CCDC178: variants seen among roughly 807,000 people sequenced by gnomAD.
CCDC178 encodes the protein coiled-coil domain-containing protein 178.
Under a neutral mutation model 117.4 loss-of-function variants are expected in CCDC178, and 126 were observed. That is an observed-to-expected ratio of 1.07 (90% CI 0.93 to 1.24). The LOEUF (loss-of-function observed/expected upper bound fraction) is 1.24. CCDC178 is among the 50% of genes most tolerant of loss of function. The pLI, the probability that CCDC178 is intolerant of heterozygous loss-of-function variation, is 0.00. For synonymous variants in CCDC178, 283 were observed against 313.4 expected (o/e 0.90, Z 1.02); for missense variants, 1,030 against 986.9 (o/e 1.04, Z -0.59).
In CCDC178 at chr18:33,078,596, A is replaced by G. The variant is rs1242742520; in HGVS notation, c.2388+14165T>C. ...ACTTCAACAACATTTCAGGATTAAA[A>G]ATAAATGTACAAAAATCAGTGGAAT... On this transcript the variant is annotated intron_variant, in intron 21 of 22. Coordinates refer to ENST00000383096, the MANE Select transcript of CCDC178 (RefSeq NM_001105528.4). Among the ~76,000 whole-genome samples the G allele has an allele frequency of 2.6e-5, 4 of 152,214 alleles. No homozygotes were observed. In the East Asian group the frequency reaches 7.7e-4, roughly 29 times the overall value.
At chr18:33,264,636 A>G (rs1398584470) in intron 14 of CCDC178, among the ~76,000 whole-genome samples, 1 of 152,044 alleles carries the variant, frequency 6.6e-6, no homozygotes, top group Admixed American at 6.6e-5. Flanking sequence ...CTGCATTCCC[A>G]CTGCTTGTGA....
chr18:32,944,306 G>A (rs554551937), intron 22 of CCDC178, among the ~76,000 whole-genome samples: 2 of 152,218 alleles, frequency 1.3e-5, no homozygotes, highest in Admixed American at 6.5e-5. Flanking sequence ...GGAAAAGCAC[G>A]GATCTATTTA....
intron 11 of CCDC178, among the ~76,000 whole-genome samples, chr18:33,298,638 A>G (rs1353418895): frequency 6.6e-6 from 1 of 152,208 alleles, no homozygotes; most frequent in South Asian, 2.1e-4. Context: ...CAGAACAATT[A>G]GCCAAGAGAA....
chr18:33,001,743 G>T (rs1215132185), intron 21 of CCDC178, among the ~76,000 whole-genome samples: 3 of 151,692 alleles, frequency 2.0e-5, no homozygotes, highest in Non-Finnish European at 4.4e-5. Context: ...TTGTATGAAT[G>T]GATTAAAAAA....
chr18:32,992,964 G>A (rs527326814), intron 21 of CCDC178, among the ~76,000 whole-genome samples: 3 of 152,144 alleles, frequency 2.0e-5, no homozygotes, highest in South Asian at 2.1e-4. Flanking sequence ...TCAGGAGTTC[G>A]AGACCAGCCT....
At chr18:33,101,880 T>C (rs190823037) in intron 20 of CCDC178, among the ~76,000 whole-genome samples, 9 of 152,100 alleles carry the variant, frequency 5.9e-5, no homozygotes, top group African/African-American at 1.4e-4. Context: ...GATAACCTGA[T>C]GCCACTTTAC....
At chr18:33,355,000 T>C (rs2063034541) in intron 7 of CCDC178, among the ~76,000 whole-genome samples, 1 of 152,210 alleles carries the variant, frequency 6.6e-6, no homozygotes, top group African/African-American at 2.4e-5. Flanking sequence ...CTTAGTTATT[T>C]GTTCATGGTT....
chr18:33,296,836 G>A (rs1373390092), intron 11 of CCDC178, among the ~76,000 whole-genome samples: 1 of 152,030 alleles, frequency 6.6e-6, no homozygotes, highest in Non-Finnish European at 1.5e-5. Flanking sequence ...AGACAAGCCT[G>A]GCTCATGGTG....
intron 18 of CCDC178, among the ~76,000 whole-genome samples, chr18:33,220,939 G>A (rs746182221): frequency 3.3e-5 from 5 of 151,980 alleles, no homozygotes; most frequent in Non-Finnish European, 7.4e-5. Context: ...ACTCTCTTAA[G>A]TATACTTGAA....
intron 21 of CCDC178, among the ~76,000 whole-genome samples, chr18:32,976,582 T>C (rs1279532969): frequency 6.6e-6 from 1 of 152,152 alleles, no homozygotes; most frequent in African/African-American, 2.4e-5. Flanking sequence ...AAGCTGACAT[T>C]TGTGTCAAGT....
Position 33,346,346 on chromosome 18 carries a change from T to C in CCDC178, c.523A>G (p.Lys175Glu). The C allele has an allele frequency of 6.2e-7, 1 of 1,613,760 alleles. No individual in the cohort carries two copies. Among genetic ancestry groups the C allele is most frequent in the Non-Finnish European group, 8.5e-7 (1 of 1,179,698 alleles). The change falls in exon 9 of 23, where the codon AAA becomes GAA. Residue 175 changes from lysine to glutamate, a missense_variant. By Grantham distance (56) the Lys-to-Glu change is moderately conservative. Transcript: ENST00000383096. ...TCTGCCCGGTCAGTTTCTAGACTTT[T>C]AATGAGACGAATGGCCTCTGAGAGC... is the stretch of plus-strand genomic sequence containing the variant. ...TLLSEAIRLI[K>E]SLETDRADAE...
chr18:33,390,557 T>C (rs1038766106), intron 4 of CCDC178, among the ~76,000 whole-genome samples: 7 of 152,040 alleles, frequency 4.6e-5, no homozygotes, highest in Admixed American at 6.6e-5. Flanking sequence ...CAAAAACATA[T>C]TGAGCAAACA....
At chr18:32,981,105 G>A (rs2055145774) in intron 21 of CCDC178, among the ~76,000 whole-genome samples, 1 of 152,106 alleles carries the variant, frequency 6.6e-6, no homozygotes, top group Admixed American at 6.5e-5. Flanking sequence ...CACTTTGGGA[G>A]GCCAAGCCAA....
chr18:33,385,002 A>G (rs897202189), intron 5 of CCDC178, among the ~76,000 whole-genome samples: 2 of 152,244 alleles, frequency 1.3e-5, no homozygotes, highest in African/African-American at 4.8e-5. Flanking sequence ...TAGACTTGAA[A>G]CAAAGGGAAG....
chr18:33,136,660 G>T (rs995604260), intron 20 of CCDC178, among the ~76,000 whole-genome samples: 1 of 152,134 alleles, frequency 6.6e-6, no homozygotes, highest in Non-Finnish European at 1.5e-5. Context: ...AAGCCACACT[G>T]TTTAACTCAA....
At chr18:33,174,895 C>A (rs1897895049) in intron 20 of CCDC178, among the ~76,000 whole-genome samples, 1 of 151,974 alleles carries the variant, frequency 6.6e-6, no homozygotes, top group Non-Finnish European at 1.5e-5. Context: ...ACTCTTATGT[C>A]CCAGGCTGGA....
At chr18:33,232,713 T>C (rs963371172) in intron 15 of CCDC178, among the ~76,000 whole-genome samples, 1 of 152,200 alleles carries the variant, frequency 6.6e-6, no homozygotes, top group Non-Finnish European at 1.5e-5. Flanking sequence ...TGGTGAAATA[T>C]TTTAAATTAC....
chr18:33,076,127 A>G (rs2145015002), intron 21 of CCDC178, among the ~76,000 whole-genome samples: 1 of 152,318 alleles, frequency 6.6e-6, no homozygotes, highest in Admixed American at 6.5e-5. Context: ...CGTAGTAAAG[A>G]ATCATCAGAG....
intron 21 of CCDC178, among the ~76,000 whole-genome samples, chr18:33,030,147 C>T (rs2056307337): frequency 1.3e-5 from 2 of 151,854 alleles, no homozygotes; most frequent in South Asian, 4.1e-4. Context: ...TATTTTAGGG[C>T]TCTGTTGTTT....
Sources: gnomAD v4.1 joint callset for allele counts (sites outside exome capture counted in the v4.1 genomes callset) on GRCh38, gnomAD v4.1.1 for gene constraint, MANE v1.5 for transcripts, NCBI Gene and HGNC (gene_info 2026-07-23, HGNC 2026-07-21) for gene names.